MICAL3: variants seen among roughly 807,000 people sequenced by gnomAD.
MICAL3 encodes the protein [F-actin]-monooxygenase MICAL3.
Under a neutral mutation model 207.4 loss-of-function variants are expected in MICAL3, and 62 were observed. That is an observed-to-expected ratio of 0.30 (90% CI 0.24 to 0.37). The LOEUF (loss-of-function observed/expected upper bound fraction) is 0.37, where lower values mean the gene tolerates loss of function less well. Among genes scored for constraint, MICAL3 ranks in the 10% least tolerant of loss-of-function variants. The pLI is 1.00. For missense variants in MICAL3, 2,368 were observed against 2,635.6 expected (o/e 0.90, Z 2.22); for synonymous variants, 1,077 against 1,069.3 (o/e 1.01, Z -0.14).
rs1922853861 is a variant in MICAL3 at position 17,831,903 on chromosome 22, T to G, written c.3006A>C (p.Glu1002Asp). 6.4e-7 allele frequency: 1 copy of G among 1,556,358 alleles called. No homozygotes were observed. Residue 1002 changes from glutamate to aspartate, a missense_variant, in exon 21 of 32, where the codon GAA (glutamate) becomes GAC (aspartate). Physicochemically the swap from Glu to Asp is conservative, Grantham distance 45. Around this residue, in one of 4 missense-constraint regions of MICAL3, gnomAD observed 1,770 missense variants for 1,863.2 expected, o/e 0.95. Coordinates refer to ENST00000441493, the MANE Select transcript of MICAL3 (RefSeq NM_015241.3). ...CGTCATAGTCCTCCTCCTCCTCCTC[T>G]TCATATTCTTCCTCCTCCTCCTCCT... ...EEEEEEEEEY[E>D]EEEEEDYDEE...
At chr22:17,849,353 G>C (rs1257625717) in intron 19 of MICAL3, among the ~76,000 whole-genome samples, 1 of 152,142 alleles carries the variant, frequency 6.6e-6, no homozygotes, top group African/African-American at 2.4e-5. Context: ...ATTTGTTTTT[G>C]ACACAGGGTC....
At chr22:17,858,616 G>A (rs189497201) in intron 19 of MICAL3, 153 of 225,262 alleles carry the variant, frequency 6.8e-4, no homozygotes, top group Admixed American at 4.0e-3. Flanking sequence ...TTTCACAGCC[G>A]CTCTCCTTCC....
chr22:17,874,437 G>A (rs1928057108), intron 16 of MICAL3, among the ~76,000 whole-genome samples: 1 of 152,182 alleles, frequency 6.6e-6, no homozygotes, highest in Non-Finnish European at 1.5e-5. Flanking sequence ...TATGAGGCCA[G>A]GACACCAAGC....
intron 1 of MICAL3, among the ~76,000 whole-genome samples, chr22:17,936,102 T>C (rs566439981): frequency 4.9e-4 from 75 of 152,340 alleles, no homozygotes; most frequent in Middle Eastern, 3.4e-3. Context: ...TTATAAATCA[T>C]GCTACTATAA....
chr22:17,936,262 C>A (rs2084113896), intron 1 of MICAL3, among the ~76,000 whole-genome samples: 1 of 152,080 alleles, frequency 6.6e-6, no homozygotes, highest in Non-Finnish European at 1.5e-5. Context: ...AGGATGAATT[C>A]ATGTCCTTTG....
intron 1 of MICAL3, among the ~76,000 whole-genome samples, chr22:17,973,879 C>G (rs1332934518): frequency 6.6e-6 from 1 of 152,094 alleles, no homozygotes; most frequent in Non-Finnish European, 1.5e-5. Context: ...TGTGGTCGCA[C>G]CACTGCACTC....
chr22:17,854,610 G>A (rs1602060586), intron 19 of MICAL3, among the ~76,000 whole-genome samples: 2 of 152,086 alleles, frequency 1.3e-5, no homozygotes, highest in Non-Finnish European at 2.9e-5. Flanking sequence ...ACTGCCACTC[G>A]CTGAGCACCT....
intron 10 of MICAL3, among the ~76,000 whole-genome samples, chr22:17,894,329 C>G (rs1362441775): frequency 1.3e-5 from 2 of 149,848 alleles, no homozygotes; most frequent in Non-Finnish European, 3.0e-5. Context: ...GAAGTCAAAG[C>G]TTCAGTGAGC....
At chr22:17,835,444 G>A (rs1441793756) in intron 20 of MICAL3, among the ~76,000 whole-genome samples, 1 of 152,238 alleles carries the variant, frequency 6.6e-6, no homozygotes. Context: ...AAAGGACTAG[G>A]GCAGTCTCTG....
Position 17,793,305 on chromosome 22 carries a change from T to C in MICAL3, c.5651-2004A>G, listed in dbSNP as rs2145949162. ...AGGTAGAGAGGTTTGCTTTCAGTGG[T>C]TGTTTGGAAAGGGGCCCGAGGGCAC... On this transcript the variant is annotated intron_variant, in intron 29 of 31. Transcript: ENST00000441493. The surrounding 1 kb of genome is among the most constrained non-coding windows in gnomAD (Gnocchi z 4.1). Among the ~76,000 whole-genome samples the C allele has an allele frequency of 6.6e-6, 1 of 151,804 alleles. No individual in the cohort carries two copies. The highest frequency in any genetic ancestry group is 2.1e-4 in the South Asian group (1 of 4,792).
intron 1 of MICAL3, among the ~76,000 whole-genome samples, chr22:17,958,080 G>T (rs910684425): frequency 6.6e-6 from 1 of 152,158 alleles, no homozygotes; most frequent in Non-Finnish European, 1.5e-5. Flanking sequence ...CTCTTTAGTG[G>T]ACCCCAGATG....
intron 27 of MICAL3, chr22:17,815,117 T>C (rs1255653288): frequency 1.3e-5 from 2 of 152,312 alleles, no homozygotes; most frequent in Non-Finnish European, 2.9e-5. Flanking sequence ...CCTCTGTGGG[T>C]GCCCCTAGAG....
intron 1 of MICAL3, among the ~76,000 whole-genome samples, chr22:17,957,105 C>T (rs1015075601): frequency 6.6e-6 from 1 of 152,176 alleles, no homozygotes; most frequent in African/African-American, 2.4e-5. Flanking sequence ...ATGGCTGGAG[C>T]TCCGGCAGCC....
intron 1 of MICAL3, among the ~76,000 whole-genome samples, chr22:18,007,949 A>AAG (rs1923505755): frequency 6.8e-6 from 1 of 147,648 alleles, no homozygotes; most frequent in East Asian, 2.0e-4. Flanking sequence ...AAAAAAAAAA[A>AAG]TGCATGATGG....
At chr22:17,855,208 A>C (rs1457489309) in intron 19 of MICAL3, among the ~76,000 whole-genome samples, 2 of 152,230 alleles carry the variant, frequency 1.3e-5, no homozygotes, top group African/African-American at 4.8e-5. Context: ...TGAGTTCAGT[A>C]CAGAGTGGCC....
intron 20 of MICAL3, among the ~76,000 whole-genome samples, chr22:17,835,159 T>A (rs1265303857): frequency 6.6e-6 from 1 of 151,858 alleles, no homozygotes; most frequent in Non-Finnish European, 1.5e-5. Context: ...ACCAGCTGGT[T>A]TCACAACAGC....
chr22:18,021,386 T>G (rs72613684), intron 1 of MICAL3, among the ~76,000 whole-genome samples: 31,806 of 152,216 alleles, frequency 0.21, 3,886 homozygotes, highest in East Asian at 0.38. Flanking sequence ...CCATCCTTCA[T>G]GCAGAACTAG....
chr22:17,990,302 A>T (rs1459920451), intron 1 of MICAL3, among the ~76,000 whole-genome samples: 2 of 152,084 alleles, frequency 1.3e-5, no homozygotes, highest in Admixed American at 6.6e-5. Flanking sequence ...ACCGCAAAGA[A>T]ACCTGTGCTG....
intron 1 of MICAL3, among the ~76,000 whole-genome samples, chr22:18,021,787 C>T (rs1430999509): frequency 6.6e-6 from 1 of 152,180 alleles, no homozygotes; most frequent in Non-Finnish European, 1.5e-5. Flanking sequence ...GGCCCTGGCA[C>T]ATTAAGCTTT....
Sources: gnomAD v4.1 joint callset for allele counts (sites outside exome capture counted in the v4.1 genomes callset) on GRCh38, gnomAD v4.1.1 for gene constraint, gnomAD v4.1.1 regional missense constraint, Gnocchi (gnomAD v3.1) non-coding constraint, MANE v1.5 for transcripts, NCBI Gene and HGNC (gene_info 2026-07-23, HGNC 2026-07-21) for gene names.